The following SOX6 variants were observed in gnomAD, a reference collection of about 807,000 sequenced individuals.
SOX6 encodes the protein SRY-box transcription factor 6.
A neutral mutation model predicts 97.8 loss-of-function variants in SOX6; 11 were observed. The observed-to-expected ratio is 0.11, with a 90% CI of 0.07 to 0.19. The LOEUF (loss-of-function observed/expected upper bound fraction) is 0.19. Ranked by LOEUF, SOX6 falls within the 10% of genes least tolerant of loss-of-function variation. SOX6 has a pLI of 1.00. For synonymous variants in SOX6, 360 were observed against 371.4 expected (o/e 0.97, Z 0.35); for missense variants, 810 against 1,039.5 (o/e 0.78, Z 3.04).
chr11:16,561,965 T>C (rs1227415551), intron 4 of SOX6, among the ~76,000 whole-genome samples: 1 of 151,956 alleles, frequency 6.6e-6, no homozygotes, highest in African/African-American at 2.4e-5. Context: ...GACCTCAAAC[T>C]ATCCACCCGC....
At chr11:16,603,301 G>A (rs1436244720) in intron 4 of SOX6, among the ~76,000 whole-genome samples, 2 of 152,162 alleles carry the variant, frequency 1.3e-5, no homozygotes, top group Non-Finnish European at 2.9e-5. Flanking sequence ...GGCTAAAGCA[G>A]ACCTGACACT....
intron 3 of SOX6, among the ~76,000 whole-genome samples, chr11:16,633,139 T>C (rs1297311301): frequency 6.6e-6 from 1 of 152,318 alleles, no homozygotes; most frequent in South Asian, 2.1e-4. Flanking sequence ...GATATCCACC[T>C]GGACATGGAG....
At chr11:16,508,257 G>A (rs1035487140) in intron 4 of SOX6, among the ~76,000 whole-genome samples, 3 of 152,124 alleles carry the variant, frequency 2.0e-5, no homozygotes, top group Admixed American at 2.0e-4. Context: ...AGATGCCAGT[G>A]AGGAGGATGT....
chr11:16,366,201 G>A (rs1244764888), intron 1 of SOX6, among the ~76,000 whole-genome samples: 1 of 152,118 alleles, frequency 6.6e-6, no homozygotes, highest in Non-Finnish European at 1.5e-5. Context: ...TTTGGGATTA[G>A]ACTATTCTCT....
intron 1 of SOX6, among the ~76,000 whole-genome samples, chr11:16,442,740 G>C (rs995887329): frequency 3.3e-5 from 5 of 152,020 alleles, no homozygotes; most frequent in Admixed American, 2.6e-4. Context: ...TCATTCCAAA[G>C]TCCTTTCATA....
intron 6 of SOX6, among the ~76,000 whole-genome samples, chr11:16,112,712 A>T (rs1384271646): frequency 1.3e-5 from 2 of 152,202 alleles, no homozygotes; most frequent in African/African-American, 4.8e-5. Context: ...TTTGTATTCC[A>T]TATAAAGAAA....
At chr11:16,550,132 A>T (rs1847666338) in intron 4 of SOX6, among the ~76,000 whole-genome samples, 1 of 152,204 alleles carries the variant, frequency 6.6e-6, no homozygotes, top group South Asian at 2.1e-4. Context: ...AATACTAGGC[A>T]GCCATAAAAA....
At chr11:16,641,839 A>C (rs1294230214) in intron 3 of SOX6, among the ~76,000 whole-genome samples, 2 of 152,182 alleles carry the variant, frequency 1.3e-5, no homozygotes, top group Non-Finnish European at 2.9e-5. Context: ...CAGCACACTG[A>C]TGGGTCTTGA....
At chr11:16,466,910 G>A (rs1860046629) in intron 1 of SOX6, among the ~76,000 whole-genome samples, 2 of 109,574 alleles carry the variant, frequency 1.8e-5, no homozygotes, top group South Asian at 3.4e-4. Flanking sequence ...CAGCCTGGGC[G>A]ACAGAGCGAG....
chr11:16,614,102 G>A (rs935334131), intron 3 of SOX6, among the ~76,000 whole-genome samples: 2 of 152,212 alleles, frequency 1.3e-5, no homozygotes, highest in Non-Finnish European at 2.9e-5. Context: ...GGGCCAAAGA[G>A]TCTGCAGCTC....
intron 4 of SOX6, among the ~76,000 whole-genome samples, chr11:16,609,064 T>G (rs1045291375): frequency 7.9e-5 from 12 of 152,178 alleles, no homozygotes; most frequent in Non-Finnish European, 1.8e-4. Context: ...GGACATAGAA[T>G]GTCATAAAGA....
chr11:16,448,186 A>G (rs1590207832), intron 1 of SOX6, among the ~76,000 whole-genome samples: 1 of 152,224 alleles, frequency 6.6e-6, no homozygotes, highest in East Asian at 1.9e-4. Flanking sequence ...GTTGGTGGGC[A>G]TGAAGTCAGC....
At chr11:16,422,021 T>C (rs533934238) in intron 1 of SOX6, among the ~76,000 whole-genome samples, 46 of 152,334 alleles carry the variant, frequency 3.0e-4, no homozygotes, top group Admixed American at 8.5e-4. Context: ...GCTGCTGCTA[T>C]GTAGGACTTG....
chr11:16,141,633 G>C (rs982606108), intron 6 of SOX6, among the ~76,000 whole-genome samples: 1 of 152,192 alleles, frequency 6.6e-6, no homozygotes, highest in African/African-American at 2.4e-5. Flanking sequence ...AGCTATGACA[G>C]ACAGCACCTG....
At chr11:16,355,505 C>T (rs1475256688) in intron 1 of SOX6, among the ~76,000 whole-genome samples, 1 of 151,894 alleles carries the variant, frequency 6.6e-6, no homozygotes, top group East Asian at 1.9e-4. Flanking sequence ...CAATGTAATA[C>T]CAGTCTTGCT....
intron 4 of SOX6, among the ~76,000 whole-genome samples, chr11:16,189,821 G>A (rs1004501264): frequency 2.0e-5 from 3 of 152,034 alleles, no homozygotes; most frequent in Non-Finnish European, 2.9e-5. Context: ...AGGTTTATTG[G>A]ATATAGTGAT....
chr11:16,126,348 A>T (rs1251167300), intron 6 of SOX6, among the ~76,000 whole-genome samples: 2 of 152,144 alleles, frequency 1.3e-5, no homozygotes, highest in South Asian at 2.1e-4. Context: ...TTAACATTTT[A>T]AAAGGCTGGG....
chr11:16,610,590 T>A lies in SOX6; in HGVS notation n.609+1491A>T, dbSNP rs1848384753. ...GCAGGAACCCCTTTTAGATTTTATC[T>A]AATAAACTGATAGCAAAGTATATTG... On this transcript the variant is annotated intron_variant and non_coding_transcript_variant, in intron 4 of 5. Transcript: ENST00000524520. The surrounding 1 kb of genome is among the most constrained non-coding windows in gnomAD (Gnocchi z 4.4). 6.6e-6 allele frequency among the ~76,000 whole-genome samples: 1 copy of A among 152,184 alleles called. No individual in the cohort carries two copies. The highest frequency in any genetic ancestry group is 1.5e-5 in the Non-Finnish European group (1 of 68,046).
chr11:16,526,037 G>T lies in SOX6; in HGVS notation n.610-49649C>A, dbSNP rs1223398215. On this transcript the variant is annotated intron_variant and non_coding_transcript_variant, in intron 4 of 5. Coordinates refer to the SOX6 transcript ENST00000524520. ...AGGAACACTTTTACACTGTTGGTGG[G>T]ACTGTAAACTAGTTCAACCATTGTG... Among the ~76,000 whole-genome samples the T allele has an allele frequency of 4.6e-5, 7 of 152,060 alleles. No individual in the cohort carries two copies. The East Asian group carries it at 1.3e-3, about 29-fold the overall frequency.
Sources: allele counts gnomAD v4.1 joint callset (sites outside exome capture counted in the v4.1 genomes callset), GRCh38; gene constraint gnomAD v4.1.1; non-coding constraint Gnocchi (gnomAD v3.1); transcripts MANE v1.5; gene names NCBI Gene and HGNC (gene_info 2026-07-23, HGNC 2026-07-21).